The following TIMM23B variants were observed in gnomAD, a reference collection of about 807,000 sequenced individuals.
TIMM23B encodes mitochondrial import inner membrane translocase subunit Tim23B.
In TIMM23B, 27 loss-of-function variants were observed where a neutral mutation model predicts 27.3. The ratio of observed to expected loss-of-function variants is 0.99; its 90% confidence interval spans 0.73 to 1.36. TIMM23B has a LOEUF of 1.36. Ranked by LOEUF, TIMM23B falls within the 40% of genes most tolerant of loss-of-function variation. TIMM23B has a pLI of 0.00. For synonymous variants in TIMM23B, 73 were observed against 92.4 expected (o/e 0.79, Z 1.21); for missense variants, 205 against 244.2 (o/e 0.84, Z 1.07).
At chr10:49,964,026 T>C (rs1465491304) in intron 6 of TIMM23B, among the ~76,000 whole-genome samples, 2 of 151,972 alleles carry the variant, frequency 1.3e-5, no homozygotes, top group Non-Finnish European at 2.9e-5. Flanking sequence ...ATGCGTGTGG[T>C]GCACTCCAGC....
chr10:49,949,827 G>A (rs1483457253), intron 2 of TIMM23B, among the ~76,000 whole-genome samples: 1 of 150,454 alleles, frequency 6.6e-6, no homozygotes, highest in Non-Finnish European at 1.5e-5. Flanking sequence ...TCACCATGTC[G>A]TGACTTTGGC....
At position 49,945,088 on chromosome 10, in the gene TIMM23B, C is replaced by A; in HGVS notation, c.163C>A (p.Gln55Lys). ...YLNVDPRYLVQDTDEFILPTG... is the reference protein window; with the variant it reads ...YLNVDPRYLVKDTDEFILPTG... ...AAATGTGGATCCACGATACCTCGTG[C>A]AGGTAAGACTAAGATTTTACTAGTT... Residue 55 changes from glutamine to lysine, a missense_variant and splice_region_variant, in exon 2 of 7, where the codon CAG becomes AAG. Transcript: ENST00000651259. The A allele has an allele frequency of 6.2e-7, 1 of 1,611,060 alleles. No individual in the cohort carries two copies. Among genetic ancestry groups the A allele is most frequent in the South Asian group, 1.1e-5 (1 of 90,714 alleles).
intron 2 of TIMM23B, among the ~76,000 whole-genome samples, chr10:49,947,017 A>G (rs1332729524): frequency 1.3e-5 from 2 of 152,276 alleles, no homozygotes; most frequent in Non-Finnish European, 2.9e-5. Context: ...CTTTTCAACA[A>G]GGATGCCAAA....
intron 1 of TIMM23B, among the ~76,000 whole-genome samples, chr10:49,942,790 C>T (rs1839188601): frequency 6.6e-6 from 1 of 152,016 alleles, no homozygotes; most frequent in Non-Finnish European, 1.5e-5. Context: ...TCTTTAGGAG[C>T]TAGGAAGTAA....
At chr10:49,966,136 G>C (rs1334872825) in intron 6 of TIMM23B, among the ~76,000 whole-genome samples, 1 of 151,512 alleles carries the variant, frequency 6.6e-6, no homozygotes, top group Non-Finnish European at 1.5e-5. Context: ...GAAATGCTGG[G>C]TGTGGTGGTG....
chr10:49,943,739 T>G (rs1249132791), intron 1 of TIMM23B, among the ~76,000 whole-genome samples: 22 of 82,928 alleles, frequency 2.7e-4, no homozygotes, highest in Admixed American at 4.3e-4. Flanking sequence ...TTTTGTGGGT[T>G]TTTTTTTTTT....
chr10:49,942,121 A>G lies in TIMM23B; in HGVS notation c.-74A>G, dbSNP rs1321051506. On this transcript the variant is annotated 5_prime_UTR_variant, in exon 1 of 7. Coordinates refer to ENST00000651259, the MANE Select transcript of TIMM23B (RefSeq NM_001290117.2). ...TGGCAACGCGGGGTTACCCGCTGTT[A>G]TTGAGGAGTAACGGCCCAGCGGACC... 2.0e-6 allele frequency: 3 copies of G among 1,488,538 alleles called. No individual in the cohort carries two copies. The highest frequency in any genetic ancestry group is 2.5e-5 in the East Asian group (1 of 40,668). The allele number at this position is 1,488,538 out of a possible 1,614,324, so 92.2% of individuals were successfully genotyped here. A position where few individuals can be genotyped will look rare whatever the true frequency, so the allele number is the denominator to read the frequency against.
At chr10:49,949,566 T>C (rs1366230997) in intron 2 of TIMM23B, among the ~76,000 whole-genome samples, 5 of 152,012 alleles carry the variant, frequency 3.3e-5, no homozygotes, top group Admixed American at 1.3e-4. Flanking sequence ...GTGGGGCTTA[T>C]TAAGGTTAGA....
chr10:49,970,053 C>G (rs537379721), intron 6 of TIMM23B: 77 of 160,926 alleles, frequency 4.8e-4, no homozygotes, highest in Non-Finnish European at 7.7e-4. Flanking sequence ...CTCGGCCTCC[C>G]GAGGTGCCGG....
At chr10:49,953,437 C>G (rs1180245233) in intron 4 of TIMM23B, among the ~76,000 whole-genome samples, 1 of 152,196 alleles carries the variant, frequency 6.6e-6, no homozygotes, top group Non-Finnish European at 1.5e-5. Flanking sequence ...CCTTGACCTC[C>G]TGGGCTCAAG....
At chr10:49,953,205 G>A (rs1190252609) in intron 4 of TIMM23B, among the ~76,000 whole-genome samples, 2 of 151,758 alleles carry the variant, frequency 1.3e-5, no homozygotes, top group African/African-American at 4.9e-5. Context: ...TCATGTAAGT[G>A]GAATCATGAG....
At chr10:49,953,150 T>G (rs1434813130) in intron 4 of TIMM23B, among the ~76,000 whole-genome samples, 5 of 152,298 alleles carry the variant, frequency 3.3e-5, no homozygotes, top group Non-Finnish European at 7.3e-5. Context: ...CAGTCCCTCT[T>G]GATATTCCTT....
intron 6 of TIMM23B, among the ~76,000 whole-genome samples, chr10:49,969,820 A>G (rs1244142160): frequency 2.7e-5 from 4 of 150,404 alleles, no homozygotes; most frequent in African/African-American, 2.4e-5. Context: ...CTCTCTTTCC[A>G]TGGTCTCCCT....
rs1374315123 is a variant in TIMM23B, at chr10:49,967,491, T to A, written c.515-5521T>A. Among the ~76,000 whole-genome samples the A allele has an allele frequency of 1.5e-4, 23 of 150,802 alleles. 1 individual carries two copies. In the East Asian group the frequency reaches 2.4e-3, roughly 16 times the overall value. ...TTTGCCTTTGTTAGAGTGATTTCAG[T>A]GTTTCGAGTTATTAAGACAGGAAGT... On this transcript the variant is annotated intron_variant, in intron 6 of 6. Transcript: ENST00000651259.
Position 49,952,525 on chromosome 10 carries a change from A to G in TIMM23B, c.336A>G (p.Gly112=), listed in dbSNP as rs2133064549. 6 of 1,613,220 alleles carry G rather than the reference A, an allele frequency of 3.7e-6. No homozygotes were observed. In the East Asian group the frequency reaches 1.1e-4, roughly 30 times the overall value. Residue 112 remains glycine, a synonymous_variant, in exon 4 of 7, where the codon GGA becomes GGG. Transcript: ENST00000651259. ...ETQNMAWSKP[G]NVQILNMVTR... is the part of the protein sequence containing the mutation. ...AGAACATGGCCTGGTCCAAACCAGG[A>G]AATGTACAGTAAGTCTCTTGTAACC...
At chr10:49,968,831 T>G (rs528755969) in intron 6 of TIMM23B, among the ~76,000 whole-genome samples, 4 of 152,166 alleles carry the variant, frequency 2.6e-5, no homozygotes, top group Admixed American at 2.6e-4. Flanking sequence ...CAAGACTCCG[T>G]CTCAAAAAAA....
intron 1 of TIMM23B, among the ~76,000 whole-genome samples, chr10:49,943,621 T>G (rs1224051048): frequency 6.6e-6 from 1 of 151,986 alleles, no homozygotes. Context: ...TATTGTTAAA[T>G]TAATTTGATT....
At chr10:49,943,468 ATCC>A (rs1430113979) in intron 1 of TIMM23B, 1 of 152,048 alleles carries the variant, frequency 6.6e-6, no homozygotes, top group East Asian at 1.9e-4. Flanking sequence ...AACTCAGGCC[ATCC>A]TCCTGTCTCG....
intron 6 of TIMM23B, among the ~76,000 whole-genome samples, chr10:49,971,732 T>C (rs1421563894): frequency 6.6e-6 from 1 of 152,218 alleles, no homozygotes; most frequent in Admixed American, 6.5e-5. Flanking sequence ...TTGGCAAAGA[T>C]TTTCATGAGT....
Sources: allele counts gnomAD v4.1 joint callset (sites outside exome capture counted in the v4.1 genomes callset), GRCh38; gene constraint gnomAD v4.1.1; transcripts MANE v1.5; gene names NCBI Gene and HGNC (gene_info 2026-07-23, HGNC 2026-07-21).